FGF13: variants seen among roughly 807,000 people sequenced by gnomAD.
The protein encoded by FGF13 is fibroblast growth factor homologous factor 2.
Under a neutral mutation model 19.5 loss-of-function variants are expected in FGF13, and 2 were observed. The ratio of observed to expected loss-of-function variants is 0.10; its 90% CI spans 0.04 to 0.32. The LOEUF is 0.32. FGF13 is among the 10% of genes least tolerant of loss of function. The pLI is 1.00. For synonymous variants in FGF13, 72 were observed against 76.9 expected (o/e 0.94, Z 0.33); for missense variants, 113 against 192.7 (o/e 0.59, Z 2.45).
rs62602166 is a variant in FGF13, at chrX:138,668,916, G to A, written c.403-33261C>T. Among the ~76,000 whole-genome samples, 401 of 111,181 alleles carry A rather than the reference G, an allele frequency of 3.6e-3. 2 individuals are homozygous for A. Among genetic ancestry groups the A allele is most frequent in the Non-Finnish European group, 6.6e-3 (349 of 52,856 alleles). The stretch of plus-strand genomic sequence containing the variant: ...TGGATTTTAGTTGGCAGTCACTAGC[G>A]ACATTAGCAGGAGGAGTTCATGGAT... On this transcript the variant is annotated intron_variant, in intron 3 of 4. Coordinates refer to ENST00000315930, the MANE Select transcript of FGF13 (RefSeq NM_004114.5).
chrX:138,989,647 T>G (rs2092007146), intron 1 of FGF13, among the ~76,000 whole-genome samples: 1 of 110,549 alleles, frequency 9.0e-6, no homozygotes, highest in Non-Finnish European at 1.9e-5. Context: ...AATAGGAGAT[T>G]GATTACTTTT....
intron 1 of FGF13, among the ~76,000 whole-genome samples, chrX:138,973,880 T>A: frequency 8.9e-6 from 1 of 112,011 alleles, no homozygotes; most frequent in Non-Finnish European, 1.9e-5. Context: ...TCTACGCATG[T>A]TCTTACAGGC....
At chrX:138,737,422 G>A (rs2090286361) in intron 1 of FGF13, among the ~76,000 whole-genome samples, 1 of 111,899 alleles carries the variant, frequency 8.9e-6, no homozygotes, top group Admixed American at 9.5e-5. Context: ...ATTTCTTTCA[G>A]AGGAGCAACT....
intron 3 of FGF13, 96 bp from the exon 4 acceptor site, chrX:138,635,751 T>A: frequency 1.6e-6 from 1 of 628,984 alleles, no homozygotes; most frequent in East Asian, 3.5e-5. Flanking sequence ...TAAGACATAC[T>A]TTGTAAAAGC....
intron 3 of FGF13, among the ~76,000 whole-genome samples, chrX:138,666,225 T>A (rs1241100232): frequency 9.0e-6 from 1 of 111,278 alleles, no homozygotes. Flanking sequence ...CTATATTATC[T>A]CATAAGCCTC....
At chrX:139,088,014 C>A (rs946699244) in intron 1 of FGF13, among the ~76,000 whole-genome samples, 1 of 111,845 alleles carries the variant, frequency 8.9e-6, no homozygotes, top group African/African-American at 3.3e-5. Flanking sequence ...CAGCAAGGAC[C>A]TTCTGGAACA....
intron 3 of FGF13, among the ~76,000 whole-genome samples, chrX:138,794,188 C>T (rs1433369021): frequency 8.9e-6 from 1 of 111,895 alleles, no homozygotes; most frequent in East Asian, 2.8e-4. Context: ...GTAATTGTTT[C>T]TCAGATCTTA....
intron 3 of FGF13, among the ~76,000 whole-genome samples, chrX:138,793,606 C>T (rs1034451636): frequency 4.5e-5 from 5 of 111,620 alleles, no homozygotes; most frequent in South Asian, 3.8e-4. Context: ...GAATTAATAC[C>T]GTACAACATG....
chrX:138,716,582 A>G (rs925793008), upstream of FGF13: 2 of 110,976 alleles, frequency 1.8e-5, no homozygotes, highest in Admixed American at 9.6e-5. Context: ...CCCTGCCTCT[A>G]AAAAAAAGAA....
At position 138,831,016 on chromosome X, in the gene FGF13, T is replaced by A. The variant is rs530248108; in HGVS notation, c.217+26496A>T. 5.4e-5 allele frequency among the ~76,000 whole-genome samples: 6 copies of A among 110,557 alleles called. No homozygotes were observed. In the South Asian group the frequency reaches 2.3e-3, roughly 43 times the overall value. On this transcript the variant is annotated intron_variant, in intron 3 of 6. Coordinates refer to the FGF13 transcript ENST00000436198. ...GCCTAAGGATGCCTTGGGTCTATTC[T>A]CCCCACATTCCAGCACAGTGTCCCC...
intron 1 of FGF13, among the ~76,000 whole-genome samples, chrX:138,930,222 C>T (rs1199452936): frequency 9.0e-6 from 1 of 111,667 alleles, no homozygotes; most frequent in Non-Finnish European, 1.9e-5. Flanking sequence ...TGTTAAATTC[C>T]TAGCAAAACA....
downstream of FGF13, chrX:138,857,448 A>G (rs1380505511): frequency 9.2e-7 from 1 of 1,082,137 alleles, no homozygotes; most frequent in Non-Finnish European, 1.2e-6. Context: ...GCACAATCCA[A>G]AAGAAAGAGA....
intron 3 of FGF13, among the ~76,000 whole-genome samples, chrX:138,780,759 G>C (rs1185520193): frequency 2.7e-5 from 3 of 110,550 alleles, no homozygotes; most frequent in Non-Finnish European, 1.9e-5. Flanking sequence ...AGATCCACGA[G>C]ACGGAAAGTC....
At chrX:138,786,396 C>G (rs1013798985) in intron 3 of FGF13, among the ~76,000 whole-genome samples, 5 of 111,750 alleles carry the variant, frequency 4.5e-5, no homozygotes, top group Non-Finnish European at 7.5e-5. Flanking sequence ...GAGGAGGAAG[C>G]TGCTTTACTG....
intron 3 of FGF13, among the ~76,000 whole-genome samples, chrX:138,803,062 C>T (rs1205024277): frequency 8.9e-6 from 1 of 111,858 alleles, no homozygotes; most frequent in East Asian, 2.8e-4. Context: ...ACACCAAGTT[C>T]TCCTGGAACT....
chrX:138,864,562 C>T (rs377225357), intron 2 of FGF13: 1 of 111,728 alleles, frequency 9.0e-6, no homozygotes, highest in Non-Finnish European at 1.9e-5. Context: ...GTTGGGGGAC[C>T]CTCTTTCACC....
In FGF13 at chrX:138,894,235, C is replaced by A. The variant is rs528834863; in HGVS notation, c.-112-29585G>T. Reference sequence around the variant, plus strand: ...CCTGTAGTATCTTCTCTTTCCATCACAATGGAAAGAACTAGAGAAGCAAGA... The same window carrying A: ...CCTGTAGTATCTTCTCTTTCCATCAAAATGGAAAGAACTAGAGAAGCAAGA... On this transcript the variant is annotated intron_variant, in intron 1 of 2. Transcript: ENST00000421460. 3.6e-5 allele frequency among the ~76,000 whole-genome samples: 4 copies of A among 109,998 alleles called. No homozygotes were observed. The South Asian group carries it at 1.6e-3, about 44-fold the overall frequency.
rs1352668725 is a variant in FGF13 at position 138,631,301 on chromosome X, CTG to C, written c.*1547_*1548del. 1 of 112,294 alleles carries C rather than the reference CTG, an allele frequency of 8.9e-6. No individual in the cohort carries two copies. Among genetic ancestry groups the C allele is most frequent in the East Asian group, 2.8e-4 (1 of 3,588 alleles). The allele number at this position is 112,294 out of a possible 1,213,427, so 9.3% of individuals were successfully genotyped here. A position where few individuals can be genotyped will look rare whatever the true frequency, so the allele number is the denominator to read the frequency against. ...TAAGCAACAGAGAGGGGAAATGACA[CTG>C]TGAGTGGCAGAGAAAATACTAGCAC... On this transcript the variant is annotated 3_prime_UTR_variant, in exon 5 of 5. Coordinates refer to ENST00000315930, the MANE Select transcript of FGF13 (RefSeq NM_004114.5).
At chrX:138,981,790 C>T (rs2091964832) in intron 1 of FGF13, among the ~76,000 whole-genome samples, 1 of 111,263 alleles carries the variant, frequency 9.0e-6, no homozygotes, top group East Asian at 2.8e-4. Flanking sequence ...GTCCCCTTAC[C>T]CTTTTTCTCA....
Sources: gnomAD v4.1 joint callset for allele counts (sites outside exome capture counted in the v4.1 genomes callset) on GRCh38, gnomAD v4.1.1 for gene constraint, MANE v1.5 for transcripts, NCBI Gene and HGNC (gene_info 2026-07-23, HGNC 2026-07-21) for gene names.